The following SIN3B variants were observed in gnomAD, a reference collection of about 807,000 sequenced individuals.
SIN3B encodes the protein paired amphipathic helix protein Sin3b.
SIN3B carries 19 observed loss-of-function variants against 120.2 expected under a neutral mutation model. The observed-to-expected ratio is 0.16, with a 90% CI of 0.11 to 0.23. SIN3B has a LOEUF of 0.23. SIN3B is among the 10% of genes least tolerant of loss of function. SIN3B has a pLI of 1.00. For missense variants in SIN3B, 1,073 were observed against 1,573.0 expected (o/e 0.68, Z 5.38); for synonymous variants, 654 against 653.2 (o/e 1.00, Z -0.02).
At chr19:16,832,550 G>A (rs1405495320) in intron 3 of SIN3B, among the ~76,000 whole-genome samples, 1 of 150,340 alleles carries the variant, frequency 6.7e-6, no homozygotes, top group African/African-American at 2.5e-5. Flanking sequence ...GCCCAGGCTG[G>A]AGTGCAGTGG....
intron 8 of SIN3B, among the ~76,000 whole-genome samples, chr19:16,859,099 C>T (rs1971654132): frequency 6.6e-6 from 1 of 151,916 alleles, no homozygotes; most frequent in South Asian, 2.1e-4. Flanking sequence ...TGCAGTGAGC[C>T]CTGATCTCAC....
At chr19:16,863,622 A>G in intron 9 of SIN3B, 58 bp from the exon 10 acceptor site, 2 of 1,078,400 alleles carry the variant, frequency 1.9e-6, no homozygotes, top group Non-Finnish European at 2.9e-6. Context: ...ACTGGCTAAC[A>G]GTAAATCTTG....
chr19:16,876,496 TGCAGCGCAAAGG>T lies in SIN3B; in HGVS notation c.2782_2793del (p.Arg928_Gln931del), dbSNP rs2051609702. The T allele has an allele frequency of 6.2e-7, 1 of 1,613,132 alleles. No individual in the cohort carries two copies. Among genetic ancestry groups the T allele is most frequent in the Non-Finnish European group, 8.5e-7 (1 of 1,179,874 alleles). ...GTTCCTGCTCCGCAGGTGATGTTCC[TGCAGCGCAAAGG>T]GCAGGTGATCATGACCATCGAGCTC... On this transcript the variant is annotated inframe_deletion, in exon 16 of 19. Coordinates refer to ENST00000248054, the MANE Select transcript of SIN3B (RefSeq NM_001297595.2). The surrounding 1 kb of genome is among the most constrained non-coding windows in gnomAD (Gnocchi z 7.1).
intron 8 of SIN3B, 186 bp downstream of exon 8, chr19:16,854,447 C>A: frequency 1.8e-6 from 1 of 551,386 alleles, no homozygotes; most frequent in Non-Finnish European, 3.2e-6. Flanking sequence ...ACCTGGGTAC[C>A]CTCCAGCTGG....
chr19:16,858,694 A>G (rs1015769441), intron 8 of SIN3B, among the ~76,000 whole-genome samples: 3 of 152,154 alleles, frequency 2.0e-5, no homozygotes, highest in Non-Finnish European at 4.4e-5. Context: ...TCACGCCTGT[A>G]ATCCTAGCAC....
At chr19:16,843,719 C>T (rs1971446378) in intron 4 of SIN3B, among the ~76,000 whole-genome samples, 1 of 152,210 alleles carries the variant, frequency 6.6e-6, no homozygotes, top group Admixed American at 6.5e-5. Context: ...AGAGAGAGTG[C>T]CATGGGAAGG....
At chr19:16,842,837 T>G (rs1971434627) in intron 4 of SIN3B, among the ~76,000 whole-genome samples, 1 of 152,156 alleles carries the variant, frequency 6.6e-6, no homozygotes, top group Non-Finnish European at 1.5e-5. Context: ...GAGGGGACAG[T>G]CAGGTTGAAT....
chr19:16,869,684 C>T lies in SIN3B; in HGVS notation c.2031C>T (p.Ser677=), dbSNP rs763134125. 61 of 1,613,416 alleles carry T rather than the reference C, an allele frequency of 3.8e-5. No individual in the cohort carries two copies. The East Asian group carries it at 4.5e-4, about 12-fold the overall frequency. ...FFSQQLDLGA[S]EESADEDRDS... ...CTCAGCAGCTGGACCTGGGCGCCTC[C>T]GAGGAGTCAGCTGATGAGGACCGGG... The change falls in exon 13 of 19, where the codon TCC becomes TCT. Residue 677 remains serine (S), a synonymous_variant. Coordinates refer to ENST00000248054, the MANE Select transcript of SIN3B (RefSeq NM_001297595.2).
chr19:16,844,064 G>A (rs2144586288), intron 4 of SIN3B: 1 of 152,362 alleles, frequency 6.6e-6, no homozygotes, highest in African/African-American at 2.4e-5. Flanking sequence ...GTGGGTCTTG[G>A]AACTCCTGGC....
Position 16,878,895 on chromosome 19 carries a change from C to G in SIN3B, c.*168C>G. 1 of 655,920 alleles carries G rather than the reference C, an allele frequency of 1.5e-6. No individual in the cohort carries two copies. Among genetic ancestry groups the G allele is most frequent in the Middle Eastern group, 4.2e-4 (1 of 2,360 alleles). The allele number at this position is 655,920 out of a possible 1,614,324, so 40.6% of individuals were successfully genotyped here. ...CGCCGCCCCCGTGGCTCCCGGTCTC[C>G]TGTGGGCCTGCTGTGTGCCAAACCT... On this transcript the variant is annotated 3_prime_UTR_variant, in exon 19 of 19. Coordinates refer to ENST00000248054, the MANE Select transcript of SIN3B (RefSeq NM_001297595.2).
Position 16,863,538 on chromosome 19 carries a change from A to G in SIN3B, c.1267-142A>G, listed in dbSNP as rs572200431. ...AGTCATGTTTTTCCTTAAAAACTTT[A>G]TGCACCTTCCCATTTGTATAAGGCA... is the stretch of plus-strand genomic sequence containing the variant. On this transcript the variant is annotated intron_variant, in intron 9 of 18. Coordinates refer to ENST00000248054, the MANE Select transcript of SIN3B (RefSeq NM_001297595.2). 1.3e-4 allele frequency: 87 copies of G among 667,148 alleles called. 1 individual carries two copies. Among genetic ancestry groups the G allele is most frequent in the African/African-American group, 1.2e-3 (66 of 56,156 alleles). 41.3% of individuals were successfully genotyped at this position (667,148 alleles called of 1,614,324 possible).
intron 4 of SIN3B, among the ~76,000 whole-genome samples, chr19:16,843,648 T>G (rs1487410521): frequency 6.6e-6 from 1 of 152,142 alleles, no homozygotes; most frequent in Non-Finnish European, 1.5e-5. Context: ...AAGGGGCAGG[T>G]TAAAGACACT....
chr19:16,851,136 C>T (rs936351041), intron 5 of SIN3B, among the ~76,000 whole-genome samples: 12 of 152,366 alleles, frequency 7.9e-5, no homozygotes, highest in African/African-American at 2.9e-4. Context: ...CAGCTGTCTC[C>T]CTCCTGAAAC....
intron 3 of SIN3B, among the ~76,000 whole-genome samples, chr19:16,838,291 A>G (rs973210921): frequency 1.3e-5 from 2 of 152,216 alleles, no homozygotes; most frequent in Admixed American, 6.5e-5. Context: ...ATCACCACTA[A>G]TTCCAGAACA....
intron 6 of SIN3B, 112 bp downstream of exon 6, chr19:16,851,646 G>T (rs948300854): frequency 1.5e-6 from 2 of 1,359,720 alleles, no homozygotes; most frequent in Non-Finnish European, 9.7e-7. Context: ...GGGCTGGACC[G>T]GGGGCTGTGT....
intron 16 of SIN3B, 133 bp from the exon 17 acceptor site, chr19:16,877,412 G>A: frequency 3.1e-6 from 2 of 654,928 alleles, no homozygotes; most frequent in Non-Finnish European, 5.4e-6. Flanking sequence ...AGAGTCCTCT[G>A]CAGCGGCTCT....
At chr19:16,851,098 A>G (rs1010938760) in intron 5 of SIN3B, among the ~76,000 whole-genome samples, 3 of 152,018 alleles carry the variant, frequency 2.0e-5, no homozygotes, top group Admixed American at 6.6e-5. Context: ...TGGCCGCCAC[A>G]TGAGCCCCCG....
rs547992023 is a variant in SIN3B at position 16,859,702 on chromosome 19, T to C, written c.1059-2650T>C. ...GGACTCCTGGGGTCTGTTTGTGACGTGGGTGGTGGGCACACGGCTGGGCTT... is the reference window on the plus strand; with the variant it reads ...GGACTCCTGGGGTCTGTTTGTGACGCGGGTGGTGGGCACACGGCTGGGCTT... On this transcript the variant is annotated intron_variant, in intron 8 of 18. Coordinates refer to ENST00000248054, the MANE Select transcript of SIN3B (RefSeq NM_001297595.2). Among the ~76,000 whole-genome samples, 4 of 152,320 alleles carry C rather than the reference T, an allele frequency of 2.6e-5. No homozygotes were observed. In the South Asian group the frequency reaches 6.2e-4, roughly 24 times the overall value.
intron 8 of SIN3B, among the ~76,000 whole-genome samples, chr19:16,859,229 G>A (rs577285642): frequency 2.0e-5 from 3 of 152,304 alleles, no homozygotes; most frequent in East Asian, 3.9e-4. Flanking sequence ...TGAGCTTAGC[G>A]TGCTGTTAGG....
Sources: gnomAD v4.1 joint callset for allele counts (sites outside exome capture counted in the v4.1 genomes callset) on GRCh38, gnomAD v4.1.1 for gene constraint, Gnocchi (gnomAD v3.1) non-coding constraint, MANE v1.5 for transcripts, NCBI Gene and HGNC (gene_info 2026-07-23, HGNC 2026-07-21) for gene names.